DNAH10: variants seen among roughly 807,000 people sequenced by gnomAD.
DNAH10 encodes the protein axonemal beta dynein heavy chain 10.
DNAH10 carries 348 observed loss-of-function variants against 506.6 expected under a neutral mutation model. That is an observed-to-expected ratio of 0.69 (90% CI 0.63 to 0.75). The LOEUF is 0.75. Among genes scored for constraint, DNAH10 ranks in the 30% least tolerant of loss-of-function variants. DNAH10 has a pLI of 0.00. For missense variants in DNAH10, 5,179 were observed against 5,787.1 expected (o/e 0.89, Z 3.41); for synonymous variants, 2,059 against 2,198.6 (o/e 0.94, Z 1.78).
intron 18 of DNAH10, among the ~76,000 whole-genome samples, chr12:123,808,059 G>T (rs912888875): frequency 1.3e-5 from 2 of 152,126 alleles, no homozygotes; most frequent in African/African-American, 4.8e-5. Context: ...TTGAGACAGG[G>T]TCTCACTCTG....
At chr12:123,911,265 TG>T (rs1485324315) in intron 59 of DNAH10, among the ~76,000 whole-genome samples, 1 of 51,796 alleles carries the variant, frequency 1.9e-5, no homozygotes, top group Non-Finnish European at 3.8e-5. Flanking sequence ...CTGGTGGTGG[TG>T]GGGGGTCTGT....
rs1199326636 is a variant in DNAH10 at position 123,851,081 on chromosome 12, G to A, written c.6291+5G>A. ...GAGGGCTTCCTGGAGGCCAAGGTGGGGGGCCTTGGCAGCGCCAGGTCGTGC... is the reference window on the plus strand; with the variant it reads ...GAGGGCTTCCTGGAGGCCAAGGTGGAGGGCCTTGGCAGCGCCAGGTCGTGC... On this transcript the variant is annotated splice_donor_5th_base_variant and intron_variant, in intron 35 of 78. Transcript: ENST00000673944. 1.4e-5 allele frequency: 23 copies of A among 1,594,428 alleles called. No individual in the cohort carries two copies. The highest frequency in any genetic ancestry group is 1.8e-5 in the Non-Finnish European group (21 of 1,167,750).
chr12:123,780,725 T>C (rs576437640), intron 5 of DNAH10, among the ~76,000 whole-genome samples: 114 of 150,110 alleles, frequency 7.6e-4, no homozygotes, highest in Non-Finnish European at 2.2e-4. Context: ...AGGCCGGGGG[T>C]GGATCATGAG....
At position 123,877,803 on chromosome 12, in the gene DNAH10, A is replaced by G. The variant is rs1219890767; in HGVS notation, c.8267A>G (p.Asn2756Ser). 2.5e-6 allele frequency: 4 copies of G among 1,614,012 alleles called. No individual in the cohort carries two copies. The highest frequency in any genetic ancestry group is 3.4e-6 in the Non-Finnish European group (4 of 1,179,890). ...TTCTGCACGCTAGCACTTTACAAAA[A>G]TATTGTGCAAGACCTACCTCCCACT... ...LTFCTLALYK[N>S]IVQDLPPTPS... Residue 2756 changes from asparagine (N) to serine (S), a missense_variant, in exon 48 of 79, where the codon AAT becomes AGT. Around this residue, in one of 3 missense-constraint regions of DNAH10, gnomAD observed 4,844 missense variants for 5,430.5 expected, o/e 0.89. Coordinates refer to ENST00000673944, the MANE Select transcript of DNAH10 (RefSeq NM_001372106.1).
Position 123,787,873 on chromosome 12 carries a change from C to G in DNAH10, c.1491C>G (p.Ala497=). 1 of 1,614,008 alleles carries G rather than the reference C, an allele frequency of 6.2e-7. No homozygotes were observed. Among genetic ancestry groups the G allele is most frequent in the Non-Finnish European group, 8.5e-7 (1 of 1,179,968 alleles). Residue 497 remains alanine (A), a synonymous_variant, in exon 10 of 79, where the codon GCC becomes GCG. Transcript: ENST00000673944. This position sits in a 1 kb window ranked among gnomAD's most constrained non-coding sequence, Gnocchi z 4.6. ...ARNTLRLWKK[A]YFDTRAKIEA... is the part of the protein sequence containing the mutation. ...ACACCCTCAGGCTGTGGAAAAAGGCCTATTTTGACACCCGGGCCAAGATAG... is the reference window on the plus strand; with the variant it reads ...ACACCCTCAGGCTGTGGAAAAAGGCGTATTTTGACACCCGGGCCAAGATAG...
rs762082023 is a variant in DNAH10, at chr12:123,894,609, G to A, written c.9200-34G>A. The A allele has an allele frequency of 8.1e-6, 13 of 1,596,390 alleles. No individual in the cohort carries two copies. The African/African-American group carries it at 1.5e-4, about 18-fold the overall frequency. On this transcript the variant is annotated intron_variant, in intron 53 of 78. Transcript: ENST00000673944. The stretch of plus-strand genomic sequence containing the variant: ...AGGGTCTCGCCACATTGCCCAGGCT[G>A]GGAGCATCTTTTTAATCTCTCTTTC...
chr12:123,865,978 G>A lies in DNAH10; in HGVS notation c.7072G>A (p.Ala2358Thr). ...EVGDLQYASP[A>T]TVSRCGMVYV... is the part of the protein sequence containing the mutation. ...TGGAGATTTACAGTATGCCTCCCCTGCAACTGTCTCTCGATGTGGAATGGT... is the reference window on the plus strand; with the variant it reads ...TGGAGATTTACAGTATGCCTCCCCTACAACTGTCTCTCGATGTGGAATGGT... Residue 2358 changes from alanine (A) to threonine (T), a missense_variant, in exon 41 of 79, where the codon GCA becomes ACA. Physicochemically the swap from Ala to Thr is moderately conservative, Grantham distance 58. Transcript: ENST00000673944. 1.2e-6 allele frequency: 2 copies of A among 1,607,854 alleles called. No individual in the cohort carries two copies. Among genetic ancestry groups the A allele is most frequent in the Non-Finnish European group, 1.7e-6 (2 of 1,177,882 alleles).
rs1391597664 is a variant in DNAH10 at position 123,787,696 on chromosome 12, G to T, written c.1422-108G>T. The T allele has an allele frequency of 1.5e-6, 2 of 1,352,596 alleles. No homozygotes were observed. Among genetic ancestry groups the T allele is most frequent in the East Asian group, 4.9e-5 (2 of 40,422 alleles). The allele number at this position is 1,352,596 out of a possible 1,614,324, so 83.8% of individuals were successfully genotyped here. A position where few individuals can be genotyped will look rare whatever the true frequency, so the allele number is the denominator to read the frequency against. On this transcript the variant is annotated intron_variant, in intron 9 of 78. Coordinates refer to ENST00000673944, the MANE Select transcript of DNAH10 (RefSeq NM_001372106.1). The surrounding 1 kb of genome is among the most constrained non-coding windows in gnomAD (Gnocchi z 4.6). ...TTCCGATGAGGCCGTGAAACCAGGG[G>T]GGGCGCCCGGGTCAGAGCTTCACGG...
In DNAH10 at chr12:123,929,144, T is replaced by A. The variant is rs367952286; in HGVS notation, c.12307-131T>A. On this transcript the variant is annotated intron_variant, in intron 70 of 78. Transcript: ENST00000673944. ...TCAGCCTGGGCCCTGGACAAGAGAC[T>A]TTAGCTATTGGAGGTCTCAGACAGA... The A allele has an allele frequency of 1.8e-4, 166 of 913,930 alleles. 1 individual carries two copies. In the African/African-American group the frequency reaches 2.3e-3, roughly 13 times the overall value. 56.6% of individuals were successfully genotyped at this position (913,930 alleles called of 1,614,324 possible).
intron 16 of DNAH10, among the ~76,000 whole-genome samples, chr12:123,802,837 T>G (rs1170633459): frequency 6.6e-6 from 1 of 152,134 alleles, no homozygotes; most frequent in Non-Finnish European, 1.5e-5. Flanking sequence ...TCTTTTCATG[T>G]GCTAATAAGC....
intron 44 of DNAH10, among the ~76,000 whole-genome samples, 185 bp from the exon 45 acceptor site, chr12:123,871,272 G>A (rs760161967): frequency 7.6e-4 from 116 of 152,318 alleles, no homozygotes; most frequent in Non-Finnish European, 1.3e-3. Context: ...TGGTCGCGCC[G>A]CTGCAGAACT....
chr12:123,831,115 T>C (rs7977179), intron 26 of DNAH10, among the ~76,000 whole-genome samples: 1 of 152,232 alleles, frequency 6.6e-6, no homozygotes, highest in Non-Finnish European at 1.5e-5. Flanking sequence ...TATTGTTTCT[T>C]ATTTATTTAT....
At chr12:123,893,147 T>C (rs1953062927) in intron 52 of DNAH10, 86 bp from the exon 53 acceptor site, 1 of 1,389,064 alleles carries the variant, frequency 7.2e-7, no homozygotes, top group Non-Finnish European at 1.0e-6. Flanking sequence ...TGCTGATCTT[T>C]CCACACCTTC....
chr12:123,826,004 G>A (rs1046769437), intron 24 of DNAH10, among the ~76,000 whole-genome samples: 25 of 152,076 alleles, frequency 1.6e-4, no homozygotes, highest in African/African-American at 5.5e-4. Flanking sequence ...CATGTCTGTC[G>A]TCTCAGCTAC....
In DNAH10 at chr12:123,883,765, A is replaced by G. The variant is rs571140502; in HGVS notation, c.8823+1952A>G. On this transcript the variant is annotated intron_variant, in intron 51 of 78. Coordinates refer to ENST00000673944, the MANE Select transcript of DNAH10 (RefSeq NM_001372106.1). ...TTTCTGCATTGCTTGAATTGTTGCA[A>G]TGAGGATTATTCCATTTAGAGAGAG... is the stretch of plus-strand genomic sequence containing the variant. Among the ~76,000 whole-genome samples, 23 of 152,208 alleles carry G rather than the reference A, an allele frequency of 1.5e-4. 1 individual carries two copies. In the South Asian group the frequency reaches 3.3e-3, roughly 22 times the overall value.
rs1000337550 is a variant in DNAH10 at position 123,832,529 on chromosome 12, G to C, written c.4546-585G>C. 2.0e-5 allele frequency among the ~76,000 whole-genome samples: 3 copies of C among 149,442 alleles called. No individual in the cohort carries two copies. In the South Asian group the frequency reaches 6.3e-4, roughly 31 times the overall value. ...TCAATACAGATTTTTTTTTTTTTGAGACAGGGTCTCCCTATGTTGCCAAGG... is the reference window on the plus strand; with the variant it reads ...TCAATACAGATTTTTTTTTTTTTGACACAGGGTCTCCCTATGTTGCCAAGG... On this transcript the variant is annotated intron_variant, in intron 26 of 78. Coordinates refer to ENST00000673944, the MANE Select transcript of DNAH10 (RefSeq NM_001372106.1).
At chr12:123,780,757 T>C (rs1345632624) in intron 5 of DNAH10, among the ~76,000 whole-genome samples, 1 of 151,322 alleles carries the variant, frequency 6.6e-6, no homozygotes, top group Non-Finnish European at 1.5e-5. Flanking sequence ...GAGACTAGCC[T>C]GGCCAACATG....
intron 51 of DNAH10, among the ~76,000 whole-genome samples, chr12:123,882,746 C>T (rs1952560449): frequency 7.5e-6 from 1 of 133,632 alleles, no homozygotes; most frequent in Non-Finnish European, 1.5e-5. Flanking sequence ...GAGCTGAGGT[C>T]ATGCCGCAGC....
intron 17 of DNAH10, among the ~76,000 whole-genome samples, chr12:123,804,330 C>G (rs1023699156): frequency 3.9e-5 from 6 of 151,974 alleles, no homozygotes; most frequent in Non-Finnish European, 8.8e-5. Context: ...TCGAGACCAT[C>G]CTGGCTAACA....
Sources: allele counts gnomAD v4.1 joint callset (sites outside exome capture counted in the v4.1 genomes callset), GRCh38; gene constraint gnomAD v4.1.1; regional missense constraint gnomAD v4.1.1; non-coding constraint Gnocchi (gnomAD v3.1); transcripts MANE v1.5; gene names NCBI Gene and HGNC (gene_info 2026-07-23, HGNC 2026-07-21).